The following REPS2 variants were observed in gnomAD, a reference collection of about 807,000 sequenced individuals.
REPS2 encodes the protein ralBP1-associated Eps domain-containing protein 2.
In REPS2, 23 loss-of-function variants were observed where a neutral mutation model predicts 53.6. The observed-to-expected ratio is 0.43, with a 90% CI of 0.31 to 0.61. REPS2 has a LOEUF of 0.61. REPS2 is among the 20% of genes least tolerant of loss of function. The pLI, the probability that REPS2 is intolerant of heterozygous loss-of-function variation, is 0.11. For missense variants in REPS2, 446 were observed against 534.9 expected (o/e 0.83, Z 1.64); for synonymous variants, 238 against 218.6 (o/e 1.09, Z -0.78).
chrX:16,958,089 A>G (rs1033003622), intron 1 of REPS2, among the ~76,000 whole-genome samples: 1 of 112,155 alleles, frequency 8.9e-6, no homozygotes, highest in Non-Finnish European at 1.9e-5. Context: ...TCACATAGAT[A>G]AAAGTCACTT....
At chrX:16,981,223 G>A (rs1044816200) in intron 1 of REPS2, among the ~76,000 whole-genome samples, 2 of 111,460 alleles carry the variant, frequency 1.8e-5, no homozygotes, top group Non-Finnish European at 3.8e-5. Context: ...GAGCAGATGT[G>A]GGAACTTGGA....
At chrX:17,035,704 A>T (rs927726880) in intron 5 of REPS2, among the ~76,000 whole-genome samples, 2 of 111,256 alleles carry the variant, frequency 1.8e-5, no homozygotes, top group Admixed American at 1.9e-4. Flanking sequence ...AACTGTCCCT[A>T]CCATTTCCCC....
downstream of REPS2, among the ~76,000 whole-genome samples, chrX:17,155,132 C>T (rs922758375): frequency 2.4e-4 from 27 of 111,603 alleles, no homozygotes; most frequent in Non-Finnish European, 3.0e-4. Context: ...TATAAAGAAA[C>T]GAAATTTGTT....
intron 1 of REPS2, among the ~76,000 whole-genome samples, chrX:16,948,134 A>G (rs2060464212): frequency 1.8e-5 from 2 of 112,292 alleles, no homozygotes; most frequent in African/African-American, 6.5e-5. Flanking sequence ...GTGGTATTTT[A>G]AAATCTAGTT....
intron 3 of REPS2, 77 bp downstream of exon 3, chrX:17,022,348 C>T (rs1376131105): frequency 6.4e-6 from 6 of 931,298 alleles, no homozygotes; most frequent in Non-Finnish European, 8.8e-6. Flanking sequence ...ATCTACTGTT[C>T]AGCTTCCAGC....
intron 6 of REPS2, 78 bp downstream of exon 6, chrX:17,047,560 G>A (rs901482441): frequency 3.9e-5 from 42 of 1,075,625 alleles, no homozygotes; most frequent in Admixed American, 5.8e-5. Context: ...CGCAAAATGA[G>A]TATGGCAGCC....
chrX:17,005,740 G>A (rs180990103), intron 1 of REPS2, among the ~76,000 whole-genome samples: 1 of 112,102 alleles, frequency 8.9e-6, no homozygotes, highest in East Asian at 2.8e-4. Context: ...GAGCACCCAA[G>A]ATGTAATTTC....
At chrX:17,112,859 C>T (rs1287390936) in intron 14 of REPS2, among the ~76,000 whole-genome samples, 2 of 109,357 alleles carry the variant, frequency 1.8e-5, no homozygotes, top group South Asian at 7.8e-4. Context: ...GAAACCAAGA[C>T]GGGTGGATCA....
chrX:17,124,778 G>T (rs924570160), intron 14 of REPS2, among the ~76,000 whole-genome samples: 7 of 107,346 alleles, frequency 6.5e-5, no homozygotes, highest in Non-Finnish European at 1.2e-4. Context: ...TCGTTTTTCT[G>T]ACCTGCCAAT....
the REPS2 span, among the ~76,000 whole-genome samples, chrX:17,182,167 TATCTATCTATCTATCTATCTATC>T: frequency 9.1e-6 from 1 of 110,276 alleles, no homozygotes; most frequent in East Asian, 2.8e-4. Context: ...TCTATCTATC[TATCTATCTATCTATCTATCTATC>T]ATCTATCTAT....
intron 1 of REPS2, among the ~76,000 whole-genome samples, chrX:16,953,049 C>T (rs1319458431): frequency 9.1e-6 from 1 of 109,975 alleles, no homozygotes; most frequent in Non-Finnish European, 1.9e-5. Context: ...GCACTCCAGC[C>T]TGGGAGACAA....
chrX:17,189,277 C>G, the REPS2 span, among the ~76,000 whole-genome samples: 3 of 108,751 alleles, frequency 2.8e-5, no homozygotes, highest in Non-Finnish European at 5.7e-5. Context: ...ACTTTCTTTT[C>G]TTTTCTTTTT....
rs989234414 is a variant in REPS2, at chrX:17,008,842, T to C, written c.397+2498T>C. 3.6e-5 allele frequency among the ~76,000 whole-genome samples: 4 copies of C among 111,229 alleles called. No individual in the cohort carries two copies. In the Admixed American group the frequency reaches 3.8e-4, roughly 11 times the overall value. On this transcript the variant is annotated intron_variant, in intron 2 of 17. Coordinates refer to ENST00000357277, the MANE Select transcript of REPS2 (RefSeq NM_004726.3). ...GGAGTTGTGGATGGATACCCTTATG[T>C]CATGAATAACATGCACCTGTGTGTA...
chrX:17,002,817 C>CT (rs1288909274), intron 1 of REPS2, among the ~76,000 whole-genome samples: 1 of 111,709 alleles, frequency 9.0e-6, no homozygotes, highest in Non-Finnish European at 1.9e-5. Context: ...ATGGTGGATG[C>CT]CTTTCCTTAT....
chrX:16,973,269 G>T (rs1255129874), intron 1 of REPS2, among the ~76,000 whole-genome samples: 1 of 111,259 alleles, frequency 9.0e-6, no homozygotes, highest in African/African-American at 3.3e-5. Flanking sequence ...CTGTCTGCAG[G>T]GTTTCTCTAC....
At chrX:17,073,493 G>C (rs1048034758) in intron 11 of REPS2, among the ~76,000 whole-genome samples, 1 of 111,812 alleles carries the variant, frequency 8.9e-6, no homozygotes, top group African/African-American at 3.3e-5. Context: ...ATTTAAATTT[G>C]ATGAGGAAAA....
At chrX:16,997,126 C>A (rs2061243201) in intron 1 of REPS2, among the ~76,000 whole-genome samples, 1 of 112,092 alleles carries the variant, frequency 8.9e-6, no homozygotes, top group African/African-American at 3.2e-5. Context: ...ATTTCTCTGC[C>A]TCCAGCTGTA....
intron 1 of REPS2, among the ~76,000 whole-genome samples, chrX:16,979,039 C>T (rs774094994): frequency 4.5e-5 from 5 of 111,732 alleles, no homozygotes; most frequent in African/African-American, 6.5e-5. Context: ...AGGAAATTTC[C>T]GATAGGCTTT....
At chrX:17,017,482 G>A (rs988326883) in intron 2 of REPS2, among the ~76,000 whole-genome samples, 1 of 110,390 alleles carries the variant, frequency 9.1e-6, no homozygotes, top group Non-Finnish European at 1.9e-5. Flanking sequence ...TGGAACAAAG[G>A]GAGGGGATTA....
Sources: allele counts gnomAD v4.1 joint callset (sites outside exome capture counted in the v4.1 genomes callset), GRCh38; gene constraint gnomAD v4.1.1; transcripts MANE v1.5; gene names NCBI Gene and HGNC (gene_info 2026-07-23, HGNC 2026-07-21).